HYDIN: variants seen among roughly 807,000 people sequenced by gnomAD.
HYDIN encodes the protein axonemal central pair apparatus protein HYDIN.
In HYDIN, 132 loss-of-function variants were observed where a neutral mutation model predicts 403.9. That is an observed-to-expected ratio of 0.33 (90% confidence interval 0.28 to 0.38). The LOEUF (loss-of-function observed/expected upper bound fraction) is 0.38, where lower values mean the gene tolerates loss of function less well. Ranked by LOEUF, HYDIN falls within the 10% of genes least tolerant of loss-of-function variation. The pLI is 1.00. For missense variants in HYDIN, 2,827 were observed against 5,009.5 expected, an observed-to-expected ratio of 0.56 and a Z score of 13.15; for synonymous variants, 1,202 against 1,891.7, an observed-to-expected ratio of 0.64 and a Z score of 9.46.
At chr16:71,022,669 T>A (rs1389647491) in intron 21 of HYDIN, among the ~76,000 whole-genome samples, 2 of 151,014 alleles carry the variant, frequency 1.3e-5, no homozygotes, top group East Asian at 3.9e-4. Flanking sequence ...TTGTCCCTGA[T>A]GTGGATTAAA....
intron 84 of HYDIN, among the ~76,000 whole-genome samples, chr16:70,811,679 G>A (rs2035512708): frequency 6.6e-6 from 1 of 151,236 alleles, no homozygotes; most frequent in Non-Finnish European, 1.5e-5. Flanking sequence ...CCAACATGGA[G>A]AAACCCCGTC....
chr16:70,882,037 T>C (rs1372860630), intron 60 of HYDIN, among the ~76,000 whole-genome samples: 1 of 152,246 alleles, frequency 6.6e-6, no homozygotes, highest in Non-Finnish European at 1.5e-5. Flanking sequence ...CCCCCTGAGA[T>C]GGGCAATTAT....
chr16:71,195,472 A>T, intron 1 of HYDIN, among the ~76,000 whole-genome samples: 1 of 152,204 alleles, frequency 6.6e-6, no homozygotes, highest in East Asian at 1.9e-4. Flanking sequence ...AATTAAAAAC[A>T]AGGAAAATAC....
In HYDIN at chr16:70,978,822, G is replaced by A; in HGVS notation, c.4638+92C>T. The A allele has an allele frequency of 4.3e-6, 4 of 930,000 alleles. No individual in the cohort carries two copies. In the South Asian group the frequency reaches 6.4e-5, roughly 15 times the overall value. The allele number at this position is 930,000 out of a possible 1,614,324, so 57.6% of individuals were successfully genotyped here. A position where few individuals can be genotyped will look rare whatever the true frequency, so the allele number is the denominator to read the frequency against. On this transcript the variant is annotated intron_variant, in intron 30 of 85. Transcript: ENST00000393567. ...CTTCTGCACACACACCCCACACACT[G>A]TGCACACAGTGCCCTCTGCACACAA...
At chr16:70,885,772 A>G (rs2041092776) in intron 58 of HYDIN, among the ~76,000 whole-genome samples, 2 of 152,196 alleles carry the variant, frequency 1.3e-5, no homozygotes, top group South Asian at 4.1e-4. Flanking sequence ...GATGAGAGTT[A>G]TAGAAACATA....
intron 23 of HYDIN, among the ~76,000 whole-genome samples, chr16:71,004,043 G>A (rs1016599330): frequency 2.0e-5 from 3 of 150,872 alleles, no homozygotes; most frequent in Admixed American, 6.6e-5. Flanking sequence ...GGCTAGGTGC[G>A]GTGACTCACG....
chr16:70,853,958 C>A, intron 73 of HYDIN, among the ~76,000 whole-genome samples: 1 of 147,080 alleles, frequency 6.8e-6, no homozygotes, highest in East Asian at 1.9e-4. Flanking sequence ...TGGCTCACTG[C>A]AACCTCTGCC....
intron 1 of HYDIN, among the ~76,000 whole-genome samples, chr16:71,220,651 C>T (rs1265389051): frequency 6.6e-6 from 1 of 152,144 alleles, no homozygotes; most frequent in Non-Finnish European, 1.5e-5. Context: ...TACTCTGATG[C>T]TCTCAATAAA....
At chr16:71,082,030 T>C (rs1175204684) in intron 12 of HYDIN, among the ~76,000 whole-genome samples, 2 of 147,642 alleles carry the variant, frequency 1.4e-5, no homozygotes, top group African/African-American at 5.2e-5. Flanking sequence ...ATAATATTTG[T>C]TATGATCTTT....
intron 18 of HYDIN, among the ~76,000 whole-genome samples, chr16:71,055,916 A>G (rs1386771036): frequency 6.6e-6 from 1 of 152,142 alleles, no homozygotes; most frequent in Non-Finnish European, 1.5e-5. Flanking sequence ...TCTGCCTAGC[A>G]AGGGGCACCC....
chr16:71,171,794 T>C (rs952794682), intron 5 of HYDIN, among the ~76,000 whole-genome samples: 4 of 152,232 alleles, frequency 2.6e-5, no homozygotes, highest in African/African-American at 4.8e-5. Flanking sequence ...CCTTTTTACA[T>C]GCTCTTCTCA....
At chr16:71,189,766 C>CAAAAAAAAAAAAAAAACAAAAAA (rs2087334832) in intron 1 of HYDIN, among the ~76,000 whole-genome samples, 1 of 111,908 alleles carries the variant, frequency 8.9e-6, no homozygotes, top group Non-Finnish European at 2.0e-5. Context: ...GACTCTGCCT[C>CAAAAAAAAAAAAAAAACAAAAAA]AAAAAAAAAA....
At chr16:71,087,058 A>G (rs1176834594) in intron 12 of HYDIN, among the ~76,000 whole-genome samples, 1 of 151,690 alleles carries the variant, frequency 6.6e-6, no homozygotes, top group Non-Finnish European at 1.5e-5. Context: ...TAACAAACAC[A>G]CATGTATTAT....
In HYDIN at chr16:70,955,653, G is replaced by A; in HGVS notation, c.6143-105C>T. 6.9e-6 allele frequency: 4 copies of A among 575,680 alleles called. No individual in the cohort carries two copies. The South Asian group carries it at 8.3e-5, about 12-fold the overall frequency. 35.7% of individuals were successfully genotyped at this position (575,680 alleles called of 1,614,324 possible). On this transcript the variant is annotated intron_variant, in intron 39 of 85. Coordinates refer to ENST00000393567, the MANE Select transcript of HYDIN (RefSeq NM_001270974.2). ...GGTCCCTGCAAAGTGATCTCTCTGA[G>A]TGCTCTGCCTCCTTCCCATGTGGCT...
chr16:71,134,324 T>C (rs2084827582), intron 8 of HYDIN, among the ~76,000 whole-genome samples: 1 of 151,834 alleles, frequency 6.6e-6, no homozygotes, highest in African/African-American at 2.4e-5. Flanking sequence ...CTCTTCAGTC[T>C]GACCTGAAAG....
intron 18 of HYDIN, among the ~76,000 whole-genome samples, chr16:71,035,758 C>A (rs1179569388): frequency 1.3e-5 from 2 of 152,184 alleles, no homozygotes; most frequent in Non-Finnish European, 2.9e-5. Context: ...TGAGGATGGG[C>A]TTCTGCTCCA....
At chr16:71,067,249 T>C (rs2082302598) in intron 15 of HYDIN, 41 bp downstream of exon 15, 3 of 1,296,054 alleles carry the variant, frequency 2.3e-6, no homozygotes, top group East Asian at 2.4e-5. Context: ...TACTGGAGGC[T>C]CGGGGGCGAC....
rs1196747142 is a variant in HYDIN at position 70,879,547 on chromosome 16, C to G, written c.10367+58G>C. The G allele has an allele frequency of 1.3e-5, 21 of 1,603,984 alleles. No homozygotes were observed. In the East Asian group the frequency reaches 4.0e-4, roughly 31 times the overall value. On this transcript the variant is annotated intron_variant, in intron 61 of 85. Coordinates refer to ENST00000393567, the MANE Select transcript of HYDIN (RefSeq NM_001270974.2). ...GGCATGGTGGGAATGACACTCCCTA[C>G]AGAGTGTGGCCTGCAGTCCTGCTGC...
chr16:70,914,487 G>C (rs1165038808), intron 47 of HYDIN, among the ~76,000 whole-genome samples: 2 of 145,938 alleles, frequency 1.4e-5, no homozygotes, highest in Non-Finnish European at 3.0e-5. Context: ...TATCTTGTAG[G>C]GTTTCTGCTG....
Sources: allele counts gnomAD v4.1 joint callset (sites outside exome capture counted in the v4.1 genomes callset), GRCh38; gene constraint gnomAD v4.1.1; transcripts MANE v1.5; gene names NCBI Gene and HGNC (gene_info 2026-07-23, HGNC 2026-07-21).